Variants in PCDHGB2 observed in about 807,000 individuals in gnomAD.
PCDHGB2 encodes protocadherin gamma subfamily B, 2, also known as protocadherin gamma-B2.
In PCDHGB2, 55 loss-of-function variants were observed where a neutral mutation model predicts 59.3. That is an observed-to-expected ratio of 0.93 (90% CI 0.75 to 1.16). The LOEUF is 1.16. Ranked by LOEUF, PCDHGB2 falls within the 50% of genes most tolerant of loss-of-function variation. The probability of loss-of-function intolerance (pLI) is 0.00; values close to 1 mark genes in which losing one functional copy is unlikely to be tolerated. For synonymous variants in PCDHGB2, 516 were observed against 512.0 expected, an observed-to-expected ratio of 1.01 and a Z score of -0.11; for missense variants, 1,228 against 1,198.5, an observed-to-expected ratio of 1.02 and a Z score of -0.36.
intron 1 of PCDHGB2, chr5:141,399,935 A>G (rs2093920920): frequency 1.9e-6 from 3 of 1,612,300 alleles, no homozygotes; most frequent in Non-Finnish European, 2.5e-6. Context: ...CTGTCCTACC[A>G]CGTGCTGCAG....
chr5:141,366,266 G>C (rs1014933070), intron 1 of PCDHGB2: 8 of 1,613,680 alleles, frequency 5.0e-6, no homozygotes, highest in Non-Finnish European at 6.8e-6. Flanking sequence ...CGTGGTGGCC[G>C]TCGAAGACCA....
At chr5:141,378,549 TAAAG>T (rs1207293265) in intron 1 of PCDHGB2, 5 of 152,122 alleles carry the variant, frequency 3.3e-5, no homozygotes, top group East Asian at 1.9e-4. Flanking sequence ...AATTAATAAA[TAAAG>T]AGTGAACATG....
At chr5:141,364,937 GAGAA>G (rs746946812) in intron 1 of PCDHGB2, 1 of 1,613,948 alleles carries the variant, frequency 6.2e-7, no homozygotes. Context: ...CCTAGACCGC[GAGAA>G]AGAGACTGTT....
At chr5:141,456,492 G>C (rs542424798) in intron 1 of PCDHGB2, among the ~76,000 whole-genome samples, 1 of 152,284 alleles carries the variant, frequency 6.6e-6, no homozygotes, top group African/African-American at 2.4e-5. Flanking sequence ...GCTTAATAAA[G>C]GGGTTAACCA....
chr5:141,497,509 C>T (rs1282025317), intron 2 of PCDHGB2, among the ~76,000 whole-genome samples: 1 of 151,184 alleles, frequency 6.6e-6, no homozygotes, highest in Non-Finnish European at 1.5e-5. Flanking sequence ...CTCTCTGCTT[C>T]CTTAGTTAAC....
rs1030573273 is a variant in PCDHGB2, at chr5:141,373,834, G to T, written c.2421+11278G>T. On this transcript the variant is annotated intron_variant, in intron 1 of 3. Coordinates refer to ENST00000522605, the MANE Select transcript of PCDHGB2 (RefSeq NM_018923.3). Reference sequence around the variant, plus strand: ...GTTTCACAAAACGATGCAGTATTAAGTTAGGACTCTAAGCGTCGCTGTTGA... The same window carrying T: ...GTTTCACAAAACGATGCAGTATTAATTTAGGACTCTAAGCGTCGCTGTTGA... The T allele has an allele frequency of 1.2e-5, 5 of 424,566 alleles. No individual in the cohort carries two copies. In the East Asian group the frequency reaches 1.8e-4, roughly 15 times the overall value. The allele number at this position is 424,566 out of a possible 1,614,324, so 26.3% of individuals were successfully genotyped here. A position where few individuals can be genotyped will look rare whatever the true frequency, so the allele number is the denominator to read the frequency against.
At chr5:141,366,162 C>T (rs1037452604) in intron 1 of PCDHGB2, 2 of 1,613,992 alleles carry the variant, frequency 1.2e-6, no homozygotes, top group African/African-American at 2.7e-5. Flanking sequence ...CTGCTTAAGG[C>T]CAGCGAGCCA....
chr5:141,410,202 A>G (rs766392835), intron 1 of PCDHGB2: 2 of 1,614,018 alleles, frequency 1.2e-6, no homozygotes, highest in Non-Finnish European at 1.7e-6. Flanking sequence ...TTCGCAGACA[A>G]CTTGCAAGAG....
chr5:141,382,603 T>C, intron 1 of PCDHGB2: 1 of 269,778 alleles, frequency 3.7e-6, no homozygotes, highest in Non-Finnish European at 6.9e-6. Flanking sequence ...AACAATTTTC[T>C]ATGAAATCAG....
At chr5:141,471,965 G>A (rs919560714) in intron 1 of PCDHGB2, among the ~76,000 whole-genome samples, 4 of 152,160 alleles carry the variant, frequency 2.6e-5, no homozygotes, top group Non-Finnish European at 4.4e-5. Context: ...GGGGTTGGTT[G>A]CATTACTGTA....
At chr5:141,495,095 G>C (rs67264863) in intron 2 of PCDHGB2, among the ~76,000 whole-genome samples, 9,751 of 152,126 alleles carry the variant, frequency 0.064, 363 homozygotes, top group South Asian at 0.11. Context: ...TTCCCTCCTC[G>C]CCACGACCGG....
chr5:141,500,104 T>C (rs917633032), intron 2 of PCDHGB2, among the ~76,000 whole-genome samples: 1 of 152,124 alleles, frequency 6.6e-6, no homozygotes, highest in Non-Finnish European at 1.5e-5. Context: ...AATTTATTTG[T>C]TGAATCCCTG....
At chr5:141,413,248 G>C in intron 1 of PCDHGB2, 1 of 1,613,962 alleles carries the variant, frequency 6.2e-7, no homozygotes, top group Non-Finnish European at 8.5e-7. Context: ...CCTTTTCTTC[G>C]GGATTCCATG....
intron 1 of PCDHGB2, chr5:141,405,033 T>TTGTGGC: frequency 6.2e-7 from 1 of 1,613,962 alleles, no homozygotes; most frequent in Non-Finnish European, 8.5e-7. Context: ...CTCTACCTCG[T>TTGTGGC]TGTGGCTGTG....
chr5:141,427,983 C>G, intron 1 of PCDHGB2: 2 of 1,596,840 alleles, frequency 1.3e-6, no homozygotes, highest in South Asian at 2.2e-5. Context: ...CGCGCTGGGG[C>G]CCGATGGCTC....
chr5:141,366,535 G>A (rs1463456881), intron 1 of PCDHGB2: 1 of 1,614,144 alleles, frequency 6.2e-7, no homozygotes, highest in Non-Finnish European at 8.5e-7. Flanking sequence ...TGGCGGGTGT[G>A]CCCGCCTCGC....
At chr5:141,370,996 A>G (rs1767388382) in intron 1 of PCDHGB2, 2 of 1,613,886 alleles carry the variant, frequency 1.2e-6, no homozygotes, top group African/African-American at 2.7e-5. Flanking sequence ...GCACCCCTGG[A>G]CAGGGAAGAG....
At chr5:141,371,014 A>T in intron 1 of PCDHGB2, 1 of 1,614,008 alleles carries the variant, frequency 6.2e-7, no homozygotes, top group Non-Finnish European at 8.5e-7. Context: ...GAGCAGCCAC[A>T]TCACCACCTG....
chr5:141,489,405 G>A lies in PCDHGB2; in HGVS notation c.2422-5402G>A. ...ATGTTGCTCAGGATCTGGGCTTAAA[G>A]ATGACAGATCTGTTGAGCCGGCGGC... On this transcript the variant is annotated intron_variant, in intron 1 of 3. Transcript: ENST00000522605. This position sits in a 1 kb window ranked among gnomAD's most constrained non-coding sequence, Gnocchi z 4.5. The A allele has an allele frequency of 1.2e-6, 2 of 1,614,204 alleles. No individual in the cohort carries two copies. The highest frequency in any genetic ancestry group is 2.2e-5 in the South Asian group (2 of 91,088).
Sources: allele counts gnomAD v4.1 joint callset (sites outside exome capture counted in the v4.1 genomes callset), GRCh38; gene constraint gnomAD v4.1.1; non-coding constraint Gnocchi (gnomAD v3.1); transcripts MANE v1.5; gene names NCBI Gene and HGNC (gene_info 2026-07-23, HGNC 2026-07-21).